The following TENM4 variants were observed in gnomAD, a reference collection of about 807,000 sequenced individuals.
The protein encoded by TENM4 is teneurin transmembrane protein 4, also known as teneurin-4.
A neutral mutation model predicts 243.3 loss-of-function variants in TENM4; 82 were observed. That is an observed-to-expected ratio of 0.34 (90% confidence interval 0.28 to 0.40). The LOEUF (loss-of-function observed/expected upper bound fraction) is 0.40, where lower values mean the gene tolerates loss of function less well. Among genes scored for constraint, TENM4 ranks in the 10% least tolerant of loss-of-function variants. TENM4 has a pLI of 1.00. For missense variants in TENM4, 3,138 were observed against 3,673.3 expected, an observed-to-expected ratio of 0.85 and a Z score of 3.77; for synonymous variants, 1,412 against 1,456.3, an observed-to-expected ratio of 0.97 and a Z score of 0.69.
chr11:79,290,165 C>A (rs1284564287), intron 2 of TENM4, among the ~76,000 whole-genome samples: 2 of 152,166 alleles, frequency 1.3e-5, no homozygotes, highest in Non-Finnish European at 2.9e-5. Flanking sequence ...TCCTCTCATT[C>A]TCAGTCAGTT....
Position 79,064,916 on chromosome 11 carries a change from G to C in TENM4, c.315C>G (p.Cys105Trp). ...LYRTDIGLPH[C>W]GYSMGAGSDA... is the part of the protein sequence containing the mutation. ...CAGAGCCAGCCCCCATGGAGTAGCC[G>C]CAGTGGGGGAGGCCAATGTCTGTCC... The change falls in exon 6 of 34, where the codon TGC becomes TGG. Residue 105 changes from cysteine (C) to tryptophan (W), a missense_variant. By Grantham distance (215) the Cys-to-Trp change is radical. This residue lies in a region of TENM4 where 671 missense variants were observed against 614.1 expected (regional missense o/e 1.09). Transcript: ENST00000278550. 6.5e-7 allele frequency: 1 copy of C among 1,542,074 alleles called. No individual in the cohort carries two copies. Among genetic ancestry groups the C allele is most frequent in the Non-Finnish European group, 8.8e-7 (1 of 1,140,444 alleles).
In TENM4 at chr11:79,286,423, G is replaced by A. The variant is rs544146760; in HGVS notation, c.-265+11065C>T. On this transcript the variant is annotated intron_variant, in intron 2 of 33. Coordinates refer to ENST00000278550, the MANE Select transcript of TENM4 (RefSeq NM_001098816.3). ...TTCTAGCACTTTGGGAGGTGGAGGT[G>A]GGGGGGATCACCTGAGGTCAGAAGT... Among the ~76,000 whole-genome samples, 477 of 151,484 alleles carry A rather than the reference G, an allele frequency of 3.1e-3. 2 individuals carry two copies. The highest frequency in any genetic ancestry group is 6.8e-3 in the Middle Eastern group (2 of 294).
intron 1 of TENM4, among the ~76,000 whole-genome samples, chr11:79,317,639 G>T (rs1211533931): frequency 1.3e-5 from 2 of 152,076 alleles, no homozygotes; most frequent in East Asian, 3.9e-4. Context: ...CCTGCTCAAG[G>T]TCATATGGCA....
chr11:79,253,397 A>G (rs1325355800), intron 2 of TENM4, among the ~76,000 whole-genome samples: 1 of 152,106 alleles, frequency 6.6e-6, no homozygotes, highest in Middle Eastern at 3.2e-3. Context: ...ACAAACAAAC[A>G]CTGCACTGGA....
intron 9 of TENM4, among the ~76,000 whole-genome samples, chr11:78,875,857 T>C (rs112807430): frequency 0.011 from 1,729 of 152,206 alleles, 24 homozygotes; most frequent in African/African-American, 0.039. Context: ...AACTCTAGAT[T>C]TGTGTGTGCT....
chr11:78,745,157 C>T (rs770749016), intron 19 of TENM4, among the ~76,000 whole-genome samples: 5 of 151,688 alleles, frequency 3.3e-5, no homozygotes, highest in Admixed American at 6.6e-5. Flanking sequence ...TATACTATTA[C>T]ATCATAATAC....
chr11:79,000,424 T>C (rs905425318), intron 6 of TENM4, among the ~76,000 whole-genome samples: 23 of 150,644 alleles, frequency 1.5e-4, no homozygotes, highest in Non-Finnish European at 2.9e-4. Flanking sequence ...ACAATAATTA[T>C]AACACTGTAT....
chr11:79,351,972 C>G (rs1590901989), intron 1 of TENM4, among the ~76,000 whole-genome samples: 1 of 152,214 alleles, frequency 6.6e-6, no homozygotes, highest in East Asian at 1.9e-4. Context: ...ATTTCCTCAG[C>G]CCCCTCAAAT....
intron 1 of TENM4, among the ~76,000 whole-genome samples, chr11:79,366,417 A>G (rs887856768): frequency 1.3e-5 from 2 of 152,158 alleles, no homozygotes; most frequent in African/African-American, 4.8e-5. Flanking sequence ...GCTACTATAC[A>G]GTTTGTAGGA....
At chr11:78,743,538 T>TC (rs1855979417) in intron 19 of TENM4, among the ~76,000 whole-genome samples, 1 of 152,194 alleles carries the variant, frequency 6.6e-6, no homozygotes, top group Non-Finnish European at 1.5e-5. Context: ...TTTGAGCTAC[T>TC]TGACCTTGAC....
rs995436797 is a variant in TENM4 at position 79,159,207 on chromosome 11, G to A, written c.-162-10401C>T. Among the ~76,000 whole-genome samples the A allele has an allele frequency of 2.0e-5, 3 of 152,106 alleles. No individual in the cohort carries two copies. The East Asian group carries it at 5.8e-4, about 29-fold the overall frequency. On this transcript the variant is annotated intron_variant, in intron 3 of 33. Coordinates refer to ENST00000278550, the MANE Select transcript of TENM4 (RefSeq NM_001098816.3). ...AACGCATCTTTGTTGAGTCAACATC[G>A]CTGGGTTTGGGGGTTCTTTGCTGTT...
chr11:78,969,562 T>G (rs1857500420), intron 6 of TENM4, among the ~76,000 whole-genome samples: 1 of 152,218 alleles, frequency 6.6e-6, no homozygotes, highest in South Asian at 2.1e-4. Context: ...TAACAAAATA[T>G]ACTTTTTAAC....
At chr11:79,260,398 T>C (rs962536028) in intron 2 of TENM4, among the ~76,000 whole-genome samples, 3 of 152,224 alleles carry the variant, frequency 2.0e-5, no homozygotes, top group African/African-American at 2.4e-5. Context: ...TCCATATGTC[T>C]GGACATGTGC....
At chr11:79,230,910 C>T (rs1485582334) in intron 2 of TENM4, among the ~76,000 whole-genome samples, 1 of 152,158 alleles carries the variant, frequency 6.6e-6, no homozygotes, top group Non-Finnish European at 1.5e-5. Context: ...TTCTGGCTGC[C>T]TAACAAGAGC....
chr11:78,846,260 C>T (rs576792), intron 12 of TENM4, among the ~76,000 whole-genome samples: 70,467 of 151,750 alleles, frequency 0.46, 17,343 homozygotes, highest in Middle Eastern at 0.6. Flanking sequence ...AGGACGTGTG[C>T]TTACCACTTA....
At chr11:78,781,323 G>A (rs924877803) in intron 16 of TENM4, among the ~76,000 whole-genome samples, 1 of 152,272 alleles carries the variant, frequency 6.6e-6, no homozygotes, top group Middle Eastern at 3.4e-3. Context: ...TGAAGATGAT[G>A]GCAGTAGGCA....
intron 32 of TENM4, among the ~76,000 whole-genome samples, chr11:78,663,243 T>C (rs1277015094): frequency 2.6e-4 from 39 of 152,158 alleles, no homozygotes; most frequent in Admixed American, 2.6e-3. Flanking sequence ...GGAGGCAGGA[T>C]TTTGATTTGA....
At chr11:79,435,904 C>A (rs1024719997) in intron 1 of TENM4, among the ~76,000 whole-genome samples, 1 of 152,184 alleles carries the variant, frequency 6.6e-6, no homozygotes, top group African/African-American at 2.4e-5. Context: ...GGATGCAACT[C>A]TGTCAGAAAA....
chr11:78,892,964 G>C (rs936729668), intron 7 of TENM4, among the ~76,000 whole-genome samples: 5 of 152,232 alleles, frequency 3.3e-5, no homozygotes, highest in African/African-American at 9.6e-5. Context: ...AAACGAGGAG[G>C]GGCTGTAAGT....
Sources: allele counts gnomAD v4.1 joint callset (sites outside exome capture counted in the v4.1 genomes callset), GRCh38; gene constraint gnomAD v4.1.1; regional missense constraint gnomAD v4.1.1; transcripts MANE v1.5; gene names NCBI Gene and HGNC (gene_info 2026-07-23, HGNC 2026-07-21).